The following GTF3C2 variants were observed in gnomAD, a reference collection of about 807,000 sequenced individuals.
GTF3C2 encodes the protein general transcription factor IIIC subunit 2.
In GTF3C2, 17 loss-of-function variants were observed where a neutral mutation model predicts 117.4. The observed-to-expected ratio is 0.14, with a 90% CI of 0.10 to 0.22. The LOEUF (loss-of-function observed/expected upper bound fraction) is 0.22, where lower values mean the gene tolerates loss of function less well. Ranked by LOEUF, GTF3C2 falls within the 10% of genes least tolerant of loss-of-function variation. The pLI, the probability that GTF3C2 is intolerant of heterozygous loss-of-function variation, is 1.00. For missense variants in GTF3C2, 888 were observed against 1,143.6 expected, an observed-to-expected ratio of 0.78 and a Z score of 3.22; for synonymous variants, 437 against 427.0, an observed-to-expected ratio of 1.02 and a Z score of -0.29.
intron 1 of GTF3C2, among the ~76,000 whole-genome samples, chr2:27,348,062 A>G (rs530072803): frequency 2.5e-4 from 38 of 152,326 alleles, no homozygotes; most frequent in African/African-American, 8.2e-4. Flanking sequence ...CGAGGTCAAG[A>G]GTTTGAGACC....
In GTF3C2 at chr2:27,339,130, C is replaced by T. The variant is rs114492292; in HGVS notation, c.856-1110G>A. ...AATCAGTTGAAAAAATCAGTAAAGC[C>T]GGGCATGGTGGCTCATGCCTGTAAT... On this transcript the variant is annotated intron_variant, in intron 4 of 18. Coordinates refer to ENST00000264720, the Ensembl canonical transcript of GTF3C2. Among the ~76,000 whole-genome samples, 569 of 152,064 alleles carry T rather than the reference C, an allele frequency of 3.7e-3. 1 individual carries two copies. Among genetic ancestry groups the T allele is most frequent in the African/African-American group, 0.013 (532 of 41,474 alleles).
exon 19 of GTF3C2, chr2:27,326,588 G>T: frequency 2.0e-6 from 2 of 979,002 alleles, no homozygotes; most frequent in Non-Finnish European, 1.6e-6. Context: ...TCACTGTCCA[G>T]GGAAGGCCCC....
At chr2:27,349,767 T>G (rs372977237) in intron 1 of GTF3C2, among the ~76,000 whole-genome samples, 3 of 151,862 alleles carry the variant, frequency 2.0e-5, no homozygotes, top group South Asian at 4.2e-4. Context: ...GCCTCCCGAG[T>G]AGCTGGGATT....
chr2:27,350,413 A>ATT, intron 1 of GTF3C2: 1 of 985,498 alleles, frequency 1.0e-6, no homozygotes, highest in Non-Finnish European at 1.2e-6. Flanking sequence ...GCATAAATAA[A>ATT]TGATCACGAT....
Position 27,329,987 on chromosome 2 carries a change from A to T in GTF3C2, c.1733-464T>A, listed in dbSNP as rs1285083985. ...TGGTGAAACCCCGTCTCTACTAAAA[A>T]TACAAAAAATTGGCCAGATGTGGTG... On this transcript the variant is annotated intron_variant, in intron 12 of 18. Coordinates refer to ENST00000264720, the Ensembl canonical transcript of GTF3C2. The surrounding 1 kb of genome is among the most constrained non-coding windows in gnomAD (Gnocchi z 4.5). 6.6e-6 allele frequency among the ~76,000 whole-genome samples: 1 copy of T among 151,868 alleles called. No homozygotes were observed. Among genetic ancestry groups the T allele is most frequent in the Non-Finnish European group, 1.5e-5 (1 of 67,990 alleles).
chr2:27,344,375 G>A (rs1271049697), intron 1 of GTF3C2, among the ~76,000 whole-genome samples: 4 of 152,204 alleles, frequency 2.6e-5, no homozygotes. Flanking sequence ...ACTATACTAA[G>A]TGCTATACAT....
intron 17 of GTF3C2, 56 bp from the exon 18 acceptor site, chr2:27,327,340 TAA>T (rs2148238343): frequency 1.1e-6 from 1 of 923,542 alleles, no homozygotes; most frequent in East Asian, 2.5e-5. Flanking sequence ...TTGTTTTTTT[TAA>T]GACGGAGTCT....
chr2:27,333,887 G>A (rs906244800), intron 11 of GTF3C2, 87 bp downstream of exon 11: 10 of 1,457,810 alleles, frequency 6.9e-6, no homozygotes, highest in Non-Finnish European at 9.6e-6. Context: ...GTATTTTTCA[G>A]AAGTATAAGG....
chr2:27,342,511 G>A lies in GTF3C2; in HGVS notation c.570-278C>T, dbSNP rs539553189. The stretch of plus-strand genomic sequence containing the variant: ...CATCCTACCACAGTCAAAGAACACA[G>A]AGGGCAAGAGAAAGAATGGAACAGA... On this transcript the variant is annotated intron_variant, in intron 3 of 18. Transcript: ENST00000264720. The A allele has an allele frequency of 5.6e-6, 3 of 538,062 alleles. No individual in the cohort carries two copies. In the East Asian group the frequency reaches 9.0e-5, roughly 16 times the overall value. The allele number at this position is 538,062 out of a possible 1,614,324, so 33.3% of individuals were successfully genotyped here.
intron 12 of GTF3C2, among the ~76,000 whole-genome samples, chr2:27,332,793 G>A (rs1680324555): frequency 6.6e-6 from 1 of 151,942 alleles, no homozygotes; most frequent in African/African-American, 2.4e-5. Flanking sequence ...TTGGCTCACT[G>A]CAACCTCCGT....
At chr2:27,342,694 G>T in intron 3 of GTF3C2, 132 bp downstream of exon 3, 1 of 681,052 alleles carries the variant, frequency 1.5e-6, no homozygotes. Flanking sequence ...CTAAAGGACT[G>T]CTCAAGTCCC....
chr2:27,326,966 CAAA>C (rs35568684), intron 18 of GTF3C2, 73 bp from the exon 19 acceptor site: 31 of 716,354 alleles, frequency 4.3e-5, no homozygotes, highest in South Asian at 1.2e-4. Flanking sequence ...GCTGTATGAA[CAAA>C]AAAAAAAAAT....
Position 27,328,611 on chromosome 2 carries a change from C to CA in GTF3C2, c.2128-16dup. 6.2e-7 allele frequency: 1 copy of CA among 1,603,148 alleles called. No homozygotes were observed. Among genetic ancestry groups the CA allele is most frequent in the South Asian group, 1.1e-5 (1 of 90,728 alleles). ...CCTGAAAGACTCTAATAGAAAGAGA[C>CA]AGATTTCATTCATTCATATATTCAT... On this transcript the variant is annotated splice_polypyrimidine_tract_variant and intron_variant, in intron 15 of 18. Transcript: ENST00000264720.
At position 27,343,159 on chromosome 2, in the gene GTF3C2, A is replaced by AAT; in HGVS notation, c.248-14_248-13dup. ...CTCTGAAGAAAGATCTGTGGAGAAG[A>AAT]ATATGGGTCTGTGAGATGGGACCAG... On this transcript the variant is annotated splice_polypyrimidine_tract_variant and intron_variant, in intron 2 of 18. Coordinates refer to ENST00000264720, the Ensembl canonical transcript of GTF3C2. 1 of 1,551,594 alleles carries AAT rather than the reference A, an allele frequency of 6.4e-7. No homozygotes were observed. The highest frequency in any genetic ancestry group is 8.7e-7 in the Non-Finnish European group (1 of 1,148,812).
chr2:27,336,468 A>C, intron 7 of GTF3C2, 43 bp from the exon 8 acceptor site: 1 of 1,244,506 alleles, frequency 8.0e-7, no homozygotes, highest in Non-Finnish European at 1.2e-6. Flanking sequence ...GAATTAATGA[A>C]AGGTAATGAG....
intron 2 of GTF3C2, 49 bp from the exon 3 acceptor site, chr2:27,343,196 C>G (rs1295038307): frequency 2.7e-6 from 4 of 1,506,458 alleles, no homozygotes; most frequent in Non-Finnish European, 3.6e-6. Context: ...ACTCAAACCT[C>G]TATGGAAAAG....
Position 27,327,245 on chromosome 2 carries a change from G to A in GTF3C2, c.2449C>T (p.Arg817Cys), listed in dbSNP as rs925442939. 5 of 1,608,696 alleles carry A rather than the reference G, an allele frequency of 3.1e-6. 1 individual carries two copies. Among genetic ancestry groups the A allele is most frequent in the East Asian group, 4.5e-5 (2 of 44,844 alleles). Residue 817 changes from arginine to cysteine, a missense_variant, in exon 18 of 19, where the codon CGC (arginine) becomes TGC (cysteine). This residue lies in a region of GTF3C2 where 129 missense variants were observed against 156.0 expected (regional missense o/e 0.83). Coordinates refer to ENST00000264720, the Ensembl canonical transcript of GTF3C2. ...GAATGCCCCTCTCCCTCCTGCATGC[G>A]CAGCATTGGTTCTCTACGGAGCAGA...
Position 27,349,139 on chromosome 2 carries a change from ATTTGATT to A in GTF3C2, c.-24-5568_-24-5562del, listed in dbSNP as rs768714569. ...GGTGTGAGCCACTGTGCCCAGCCTG[ATTTGATT>A]TTTTTTTTTTTTTTTTTTTGAGACA... is the stretch of plus-strand genomic sequence containing the variant. On this transcript the variant is annotated intron_variant, in intron 1 of 18. Transcript: ENST00000264720. Among the ~76,000 whole-genome samples, 138 of 126,306 alleles carry A rather than the reference ATTTGATT, an allele frequency of 1.1e-3. 3 individuals carry two copies. The highest frequency in any genetic ancestry group is 5.3e-3 in the Middle Eastern group (1 of 188). The allele number at this position is 126,306 out of a possible 152,430, so 82.9% of individuals were successfully genotyped here.
rs778584425 is a variant in GTF3C2 at position 27,334,012 on chromosome 2, A to G, written c.1577-13T>C. 6.4e-5 allele frequency: 102 copies of G among 1,604,856 alleles called. No homozygotes were observed. Among genetic ancestry groups the G allele is most frequent in the Non-Finnish European group, 8.6e-5 (101 of 1,172,186 alleles). On this transcript the variant is annotated splice_polypyrimidine_tract_variant and intron_variant, in intron 10 of 18. Transcript: ENST00000264720. ...GGCTTCACTGCATCTGTGAGGAAAA[A>G]GAGCAGGAACTAACTCTATGGATCC...
Sources: allele counts gnomAD v4.1 joint callset (sites outside exome capture counted in the v4.1 genomes callset), GRCh38; gene constraint gnomAD v4.1.1; regional missense constraint gnomAD v4.1.1; non-coding constraint Gnocchi (gnomAD v3.1); transcripts MANE v1.5; gene names NCBI Gene and HGNC (gene_info 2026-07-23, HGNC 2026-07-21).